Variants in PCDHGA1 observed in about 807,000 individuals in gnomAD.
PCDHGA1 encodes protocadherin gamma subfamily A, 1, also known as protocadherin gamma-A1.
A neutral mutation model predicts 58.0 loss-of-function variants in PCDHGA1; 32 were observed. The ratio of observed to expected loss-of-function variants is 0.55; its 90% CI spans 0.42 to 0.74. The LOEUF is 0.74. Among genes scored for constraint, PCDHGA1 ranks in the 30% least tolerant of loss-of-function variants. The probability of loss-of-function intolerance (pLI) is 0.00; values close to 1 mark genes in which losing one functional copy is unlikely to be tolerated. For missense variants in PCDHGA1, 1,205 were observed against 1,182.3 expected, an observed-to-expected ratio of 1.02 and a Z score of -0.28; for synonymous variants, 498 against 501.1, an observed-to-expected ratio of 0.99 and a Z score of 0.08.
At chr5:141,407,407 G>A (rs558103918) in intron 1 of PCDHGA1, among the ~76,000 whole-genome samples, 17 of 152,216 alleles carry the variant, frequency 1.1e-4, no homozygotes, top group African/African-American at 3.6e-4. Context: ...GTTACTATTC[G>A]ATACCACAAA....
intron 1 of PCDHGA1, chr5:141,404,892 A>G (rs2094580163): frequency 1.2e-6 from 2 of 1,613,880 alleles, no homozygotes; most frequent in African/African-American, 1.3e-5. Flanking sequence ...GTGGCTGTAC[A>G]GGACCATGGC....
chr5:141,422,576 C>G (rs778942661), intron 1 of PCDHGA1: 1 of 1,614,034 alleles, frequency 6.2e-7, no homozygotes, highest in South Asian at 1.1e-5. Context: ...AACGATAACC[C>G]TCCCGTTTTT....
chr5:141,448,983 T>G (rs1157371020), intron 1 of PCDHGA1, among the ~76,000 whole-genome samples: 1 of 152,004 alleles, frequency 6.6e-6, no homozygotes, highest in East Asian at 1.9e-4. Flanking sequence ...ACTTCCATAT[T>G]AATATATAGA....
At chr5:141,450,008 T>C (rs78952430) in intron 1 of PCDHGA1, among the ~76,000 whole-genome samples, 2 of 37,390 alleles carry the variant, frequency 5.3e-5, no homozygotes, top group African/African-American at 6.8e-4. Flanking sequence ...CCATGTCTCT[T>C]TTTTTTTTTT....
intron 3 of PCDHGA1, among the ~76,000 whole-genome samples, chr5:141,510,556 T>TA (rs2099881668): frequency 6.6e-6 from 1 of 152,178 alleles, no homozygotes; most frequent in African/African-American, 2.4e-5. Flanking sequence ...TTTGAGCACT[T>TA]ACATCTACCA....
In PCDHGA1 at chr5:141,432,358, G is replaced by A. The variant is rs750696244; in HGVS notation, c.2422-62449G>A. ...TCCGAGACTTGCAAGTGAAAGTGAT[G>A]GCGCGGGACAACGGGCACCCGCCCC... On this transcript the variant is annotated intron_variant, in intron 1 of 3. Transcript: ENST00000517417. This position sits in a 1 kb window ranked among gnomAD's most constrained non-coding sequence, Gnocchi z 6.0. The A allele has an allele frequency of 6.2e-7, 1 of 1,614,122 alleles. No homozygotes were observed. The highest frequency in any genetic ancestry group is 8.5e-7 in the Non-Finnish European group (1 of 1,180,060).
rs1239481973 is a variant in PCDHGA1 at position 141,491,585 on chromosome 5, C to G, written c.2422-3222C>G. On this transcript the variant is annotated intron_variant, in intron 1 of 3. Coordinates refer to ENST00000517417, the MANE Select transcript of PCDHGA1 (RefSeq NM_018912.3). The surrounding 1 kb of genome is among the most constrained non-coding windows in gnomAD (Gnocchi z 6.9). ...TACAGGACGTGCTTTTCACCGGCCT[C>G]GGACGGCAGTGACTTCACTTTTCTA... 6.2e-7 allele frequency: 1 copy of G among 1,613,964 alleles called. No individual in the cohort carries two copies.
chr5:141,499,763 T>C (rs2099794343), intron 2 of PCDHGA1, among the ~76,000 whole-genome samples: 1 of 148,434 alleles, frequency 6.7e-6, no homozygotes, highest in African/African-American at 2.5e-5. Flanking sequence ...CTCAGCTCAC[T>C]GCAGCCTTCG....
At chr5:141,347,785 T>C (rs1758017990) in intron 1 of PCDHGA1, among the ~76,000 whole-genome samples, 1 of 142,826 alleles carries the variant, frequency 7.0e-6, no homozygotes, top group South Asian at 2.2e-4. Flanking sequence ...AGACTCCATC[T>C]CAAAAAAAAA....
rs746309479 is a variant in PCDHGA1, at chr5:141,389,523, C to T, written c.2421+56418C>T. 36 of 1,613,164 alleles carry T rather than the reference C, an allele frequency of 2.2e-5. No homozygotes were observed. Among genetic ancestry groups the T allele is most frequent in the East Asian group, 4.5e-5 (2 of 44,878 alleles). On this transcript the variant is annotated intron_variant, in intron 1 of 3. Coordinates refer to ENST00000517417, the MANE Select transcript of PCDHGA1 (RefSeq NM_018912.3). ...AGCGCTCAGCGCGAACGTGAGCCTG[C>T]GCGTGTTAGTGGACGACCGCAACGA...
At chr5:141,389,146 C>G (rs567517174) in intron 1 of PCDHGA1, 2 of 1,613,996 alleles carry the variant, frequency 1.2e-6, no homozygotes, top group Non-Finnish European at 1.7e-6. Context: ...ATAACCGTTA[C>G]GGCAACAGAT....
At chr5:141,339,327 T>C in intron 1 of PCDHGA1, 1 of 1,614,236 alleles carries the variant, frequency 6.2e-7, no homozygotes, top group Middle Eastern at 1.6e-4. Flanking sequence ...ATTTATTCAG[T>C]AGAGGTGGAA....
At chr5:141,360,740 G>C (rs1761724745) in intron 1 of PCDHGA1, 1 of 1,613,842 alleles carries the variant, frequency 6.2e-7, no homozygotes, top group Admixed American at 1.7e-5. Context: ...TCTCTGGACA[G>C]AGAAGAGCAC....
intron 1 of PCDHGA1, among the ~76,000 whole-genome samples, chr5:141,349,249 T>G (rs1037836066): frequency 1.3e-5 from 2 of 152,154 alleles, no homozygotes; most frequent in Admixed American, 1.3e-4. Context: ...TTTATTTTTT[T>G]TAGTAGAGAT....
intron 1 of PCDHGA1, chr5:141,412,213 C>T (rs1467971455): frequency 6.6e-6 from 1 of 152,224 alleles, no homozygotes; most frequent in Non-Finnish European, 1.5e-5. Context: ...TTGACATAAA[C>T]ACTTACTTGT....
intron 1 of PCDHGA1, chr5:141,365,738 T>A (rs1378974315): frequency 1.9e-6 from 3 of 1,613,586 alleles, no homozygotes; most frequent in Admixed American, 3.3e-5. Context: ...CAGAGGTGTC[T>A]CTATCTTCTC....
chr5:141,413,803 G>A (rs1331029473), intron 1 of PCDHGA1: 3 of 1,613,142 alleles, frequency 1.9e-6, no homozygotes, highest in Non-Finnish European at 1.7e-6. Flanking sequence ...CGAGGAAGAG[G>A]CCATTCACCA....
intron 1 of PCDHGA1, chr5:141,340,225 C>T: frequency 6.2e-7 from 1 of 1,614,202 alleles, no homozygotes; most frequent in Non-Finnish European, 8.5e-7. Context: ...TTTCCTTTTA[C>T]AACATCACTC....
Position 141,377,593 on chromosome 5 carries a change from C to T in PCDHGA1, c.2421+44488C>T, listed in dbSNP as rs923684056. 2.8e-4 allele frequency: 40 copies of T among 144,542 alleles called. 1 individual carries two copies. The highest frequency in any genetic ancestry group is 4.7e-4 in the African/African-American group (18 of 38,630). 9.0% of individuals were successfully genotyped at this position (144,542 alleles called of 1,614,324 possible). On this transcript the variant is annotated intron_variant, in intron 1 of 3. Transcript: ENST00000517417. ...CCTGGGAGACAGAATGAGACTTTTT[C>T]TCTCTCTCTCTCAAAAAAAAAAAAA...
Sources: allele counts gnomAD v4.1 joint callset (sites outside exome capture counted in the v4.1 genomes callset), GRCh38; gene constraint gnomAD v4.1.1; non-coding constraint Gnocchi (gnomAD v3.1); transcripts MANE v1.5; gene names NCBI Gene and HGNC (gene_info 2026-07-23, HGNC 2026-07-21).